MIPOL1: variants seen among roughly 807,000 people sequenced by gnomAD.
MIPOL1 encodes mirror-image polydactyly 1.
Under a neutral mutation model 60.9 loss-of-function variants are expected in MIPOL1, and 57 were observed. The ratio of observed to expected loss-of-function variants is 0.94; its 90% confidence interval spans 0.76 to 1.17. The LOEUF is 1.17. Among genes scored for constraint, MIPOL1 ranks in the 50% most tolerant of loss-of-function variants. MIPOL1 has a pLI of 0.00. For synonymous variants in MIPOL1, 179 were observed against 168.8 expected, an observed-to-expected ratio of 1.06 and a Z score of -0.47; for missense variants, 551 against 511.6, an observed-to-expected ratio of 1.08 and a Z score of -0.74.
At chr14:37,226,572 T>TGGGA (rs757008536) in intron 1 of MIPOL1, among the ~76,000 whole-genome samples, 1 of 152,194 alleles carries the variant, frequency 6.6e-6, no homozygotes, top group Non-Finnish European at 1.5e-5. Context: ...TTTCTCCCAC[T>TGGGA]GGGTCCCTCC....
At chr14:37,269,399 C>T (rs547191885) in intron 5 of MIPOL1, among the ~76,000 whole-genome samples, 32 of 150,210 alleles carry the variant, frequency 2.1e-4, no homozygotes, top group Non-Finnish European at 4.4e-4. Context: ...TTTTTTTAAC[C>T]TCTACATACT....
chr14:37,507,184 G>A (rs979616918), intron 12 of MIPOL1: 1 of 152,186 alleles, frequency 6.6e-6, no homozygotes, highest in Non-Finnish European at 1.5e-5. Flanking sequence ...AATCATGGTG[G>A]AAGACAGTGT....
At chr14:37,319,119 G>A (rs1032494633) in intron 9 of MIPOL1, among the ~76,000 whole-genome samples, 17 of 152,046 alleles carry the variant, frequency 1.1e-4, no homozygotes, top group African/African-American at 4.1e-4. Flanking sequence ...GAGATTACAG[G>A]CATGAGTCAC....
chr14:37,388,774 A>T (rs751361612), intron 10 of MIPOL1, among the ~76,000 whole-genome samples: 1 of 151,970 alleles, frequency 6.6e-6, no homozygotes, highest in African/African-American at 2.4e-5. Context: ...GCTTCTTTCA[A>T]CATGATGATT....
chr14:37,363,914 T>C (rs1195974153), intron 9 of MIPOL1, among the ~76,000 whole-genome samples: 1 of 152,204 alleles, frequency 6.6e-6, no homozygotes. Flanking sequence ...GTGAGCCATG[T>C]TCCGTGGGCA....
chr14:37,393,650 T>TA (rs1393706278), intron 10 of MIPOL1, among the ~76,000 whole-genome samples: 1 of 151,952 alleles, frequency 6.6e-6, no homozygotes, highest in Admixed American at 6.6e-5. Context: ...CCTTTGAAAA[T>TA]ACAATTTTAT....
chr14:37,453,098 A>G (rs2094440230), intron 11 of MIPOL1, among the ~76,000 whole-genome samples: 1 of 152,162 alleles, frequency 6.6e-6, no homozygotes, highest in East Asian at 1.9e-4. Flanking sequence ...GATAATCTTT[A>G]TTATTAAGTC....
intron 11 of MIPOL1, among the ~76,000 whole-genome samples, chr14:37,481,611 A>ACACACC (rs1216175293): frequency 1.8e-4 from 25 of 142,500 alleles, no homozygotes; most frequent in East Asian, 6.1e-4. Flanking sequence ...ACACACACAC[A>ACACACC]CCGAAACCAC....
chr14:37,206,612 C>G (rs970172684), intron 1 of MIPOL1, among the ~76,000 whole-genome samples: 1 of 152,200 alleles, frequency 6.6e-6, no homozygotes, highest in Admixed American at 6.5e-5. Context: ...ACAGCTTGCA[C>G]CATGCTCCTG....
At chr14:37,252,738 A>G (rs1276027371) in intron 3 of MIPOL1, among the ~76,000 whole-genome samples, 1 of 151,958 alleles carries the variant, frequency 6.6e-6, no homozygotes, top group Non-Finnish European at 1.5e-5. Context: ...TTGAATTATA[A>G]CTAAAACTAT....
chr14:37,397,434 GT>G (rs1485153541), intron 10 of MIPOL1, among the ~76,000 whole-genome samples: 1 of 152,144 alleles, frequency 6.6e-6, no homozygotes, highest in East Asian at 1.9e-4. Flanking sequence ...TTTAGCTTTG[GT>G]GGTTTAATGT....
At chr14:37,389,426 A>G (rs2093171404) in intron 10 of MIPOL1, among the ~76,000 whole-genome samples, 1 of 152,068 alleles carries the variant, frequency 6.6e-6, no homozygotes, top group African/African-American at 2.4e-5. Context: ...ATTGCACCTA[A>G]TCACATGATT....
At chr14:37,400,972 G>A (rs539786993) in intron 10 of MIPOL1, 1 of 152,100 alleles carries the variant, frequency 6.6e-6, no homozygotes, top group South Asian at 2.1e-4. Flanking sequence ...TTTATTTAAA[G>A]GAGAAGAAAA....
chr14:37,395,756 T>C (rs1595576313), intron 10 of MIPOL1, among the ~76,000 whole-genome samples: 1 of 152,274 alleles, frequency 6.6e-6, no homozygotes, highest in East Asian at 1.9e-4. Flanking sequence ...GATTTCTTTC[T>C]CTTGTCTGAT....
At position 37,527,710 on chromosome 14, in the gene MIPOL1, G is replaced by C. The variant is rs531680954; in HGVS notation, c.1263-19195G>C. ...TTCTTTTCATTCAAATATTGTAAAT[G>C]CTTAATTATCAAAATTGTAGGGCCT... On this transcript the variant is annotated intron_variant, in intron 12 of 12. Transcript: ENST00000684589. Among the ~76,000 whole-genome samples, 57 of 152,170 alleles carry C rather than the reference G, an allele frequency of 3.7e-4. 1 individual carries two copies. The highest frequency in any genetic ancestry group is 1.4e-3 in the African/African-American group (57 of 41,534).
At chr14:37,227,953 A>C (rs1484550393) in intron 1 of MIPOL1, 1 of 152,194 alleles carries the variant, frequency 6.6e-6, no homozygotes, top group African/African-American at 2.4e-5. Flanking sequence ...TTTAATAGGA[A>C]CTGCTATGGT....
chr14:37,459,256 A>G (rs1431365876), intron 11 of MIPOL1, among the ~76,000 whole-genome samples: 1 of 152,102 alleles, frequency 6.6e-6, no homozygotes, highest in Admixed American at 6.5e-5. Flanking sequence ...GAAAAACAAA[A>G]TTGATAAACG....
Position 37,487,144 on chromosome 14 carries a change from T to TA in MIPOL1, c.1032-12764_1032-12763insA, listed in dbSNP as rs565084819. 3.0e-3 allele frequency among the ~76,000 whole-genome samples: 461 copies of TA among 152,332 alleles called. 3 individuals are homozygous for TA. Among genetic ancestry groups the TA allele is most frequent in the African/African-American group, 0.01 (427 of 41,578 alleles). ...TTATATGATGGATTACATTTATTGA[T>TA]TTGCATATGTTGAACCATCCTTGCA... On this transcript the variant is annotated intron_variant, in intron 11 of 12. Transcript: ENST00000684589.
intron 11 of MIPOL1, among the ~76,000 whole-genome samples, chr14:37,483,775 C>T (rs1349822512): frequency 2.6e-5 from 4 of 151,968 alleles, no homozygotes; most frequent in African/African-American, 7.3e-5. Flanking sequence ...ACCTGGACTA[C>T]GAGTGTATGC....
Sources: gnomAD v4.1 joint callset for allele counts (sites outside exome capture counted in the v4.1 genomes callset) on GRCh38, gnomAD v4.1.1 for gene constraint, MANE v1.5 for transcripts, NCBI Gene and HGNC (gene_info 2026-07-23, HGNC 2026-07-21) for gene names.